DNAAF11: variants seen among roughly 807,000 people sequenced by gnomAD.
DNAAF11 encodes leucine rich repeat containing 6.
Under a neutral mutation model 60.8 loss-of-function variants are expected in DNAAF11, and 45 were observed. The ratio of observed to expected loss-of-function variants is 0.74; its 90% CI spans 0.58 to 0.95. The LOEUF (loss-of-function observed/expected upper bound fraction) is 0.95, where lower values mean the gene tolerates loss of function less well. DNAAF11 is among the 40% of genes least tolerant of loss of function. The pLI is 0.00. For missense variants in DNAAF11, 546 were observed against 546.2 expected (o/e 1.00, Z 0.00); for synonymous variants, 191 against 183.5 (o/e 1.04, Z -0.33).
intron 3 of DNAAF11, among the ~76,000 whole-genome samples, chr8:132,644,612 GA>G (rs1822183054): frequency 6.6e-6 from 1 of 152,232 alleles, no homozygotes; most frequent in South Asian, 2.1e-4. Flanking sequence ...ATGGTACCTG[GA>G]AAATTGGGAC....
At chr8:132,672,779 G>A (rs533617540) in intron 1 of DNAAF11, among the ~76,000 whole-genome samples, 1 of 152,260 alleles carries the variant, frequency 6.6e-6, no homozygotes, top group East Asian at 1.9e-4. Context: ...GTTGAAGGAG[G>A]TTGAGAATTG....
intron 2 of DNAAF11, among the ~76,000 whole-genome samples, 184 bp from the exon 3 acceptor site, chr8:132,657,091 T>C (rs1823653606): frequency 6.6e-6 from 1 of 152,134 alleles, no homozygotes; most frequent in Non-Finnish European, 1.5e-5. Context: ...GACCCATTTC[T>C]CCCTCCATCC....
chr8:132,681,392 C>T, the DNAAF11 span, among the ~76,000 whole-genome samples: 1 of 150,812 alleles, frequency 6.6e-6, no homozygotes, highest in African/African-American at 2.5e-5. Context: ...TTACTGTCTC[C>T]ATCTTACAGA....
intron 6 of DNAAF11, among the ~76,000 whole-genome samples, chr8:132,623,424 CA>C (rs879854777): frequency 3.6e-4 from 51 of 140,570 alleles, no homozygotes; most frequent in Non-Finnish European, 3.0e-4. Flanking sequence ...TTACAAAGAG[CA>C]AAAAAAAAAA....
chr8:132,622,004 AT>A (rs1819812355), intron 7 of DNAAF11, among the ~76,000 whole-genome samples: 1 of 152,204 alleles, frequency 6.6e-6, no homozygotes, highest in Non-Finnish European at 1.5e-5. Context: ...AGTGAATGAG[AT>A]TTAGTCTGTA....
intron 11 of DNAAF11, among the ~76,000 whole-genome samples, chr8:132,572,959 A>G (rs1244458275): frequency 6.6e-6 from 1 of 152,094 alleles, no homozygotes; most frequent in Non-Finnish European, 1.5e-5. Context: ...GTGCATAGTA[A>G]AGTGTAGCCC....
rs562294615 is a variant in DNAAF11, at chr8:132,578,496, C to G, written c.1226+5198G>C. ...ACGACCTGACTGTCAGAAACATCAC[C>G]TCTAGAATCCAGTAGAATAGCTGGA... On this transcript the variant is annotated intron_variant, in intron 11 of 11. Transcript: ENST00000620350. 5.2e-6 allele frequency: 8 copies of G among 1,533,902 alleles called. No individual in the cohort carries two copies. The African/African-American group carries it at 1.1e-4, about 21-fold the overall frequency.
At chr8:132,593,217 CAAGTA>C (rs1816641273) in intron 10 of DNAAF11, among the ~76,000 whole-genome samples, 1 of 150,764 alleles carries the variant, frequency 6.6e-6, no homozygotes, top group Non-Finnish European at 1.5e-5. Flanking sequence ...ATGGAGAAAT[CAAGTA>C]AAGTAAGTGT....
chr8:132,574,197 G>T (rs1814502936), intron 11 of DNAAF11, among the ~76,000 whole-genome samples: 1 of 152,214 alleles, frequency 6.6e-6, no homozygotes, highest in South Asian at 2.1e-4. Flanking sequence ...TGCATAGTCA[G>T]TCATCATAAG....
rs1345691973 is a variant in DNAAF11 at position 132,656,923 on chromosome 8, A to C, written c.179-16T>G. Reference sequence around the variant, plus strand: ...CTAACATTTTCTGAAATACAAGATAATGTAGTTAAGATAATTAATCTTCAA... The same window carrying C: ...CTAACATTTTCTGAAATACAAGATACTGTAGTTAAGATAATTAATCTTCAA... On this transcript the variant is annotated splice_polypyrimidine_tract_variant and intron_variant, in intron 2 of 11. Coordinates refer to ENST00000620350, the MANE Select transcript of DNAAF11 (RefSeq NM_012472.6). 8.0e-6 allele frequency: 8 copies of C among 995,044 alleles called. No homozygotes were observed. The highest frequency in any genetic ancestry group is 4.3e-5 in the South Asian group (3 of 69,350). The allele number at this position is 995,044 out of a possible 1,614,324, so 61.6% of individuals were successfully genotyped here. A position where few individuals can be genotyped will look rare whatever the true frequency, so the allele number is the denominator to read the frequency against.
chr8:132,690,798 C>T, the DNAAF11 span, among the ~76,000 whole-genome samples: 1 of 152,116 alleles, frequency 6.6e-6, no homozygotes, highest in Non-Finnish European at 1.5e-5. Context: ...GTAGAATGTC[C>T]TTCAGTTGGG....
intron 5 of DNAAF11, among the ~76,000 whole-genome samples, chr8:132,627,798 G>A (rs764391015): frequency 6.6e-5 from 10 of 152,090 alleles, no homozygotes; most frequent in Non-Finnish European, 1.3e-4. Flanking sequence ...GATGAATGAG[G>A]AGAAGAATGT....
the DNAAF11 span, among the ~76,000 whole-genome samples, chr8:132,684,558 TC>T: frequency 1.2e-4 from 18 of 152,214 alleles, no homozygotes; most frequent in Admixed American, 1.0e-3. Context: ...GCATGGAAAA[TC>T]CCCAACCTAA....
chr8:132,595,333 G>C (rs1432506763), intron 10 of DNAAF11, among the ~76,000 whole-genome samples: 1 of 103,472 alleles, frequency 9.7e-6, no homozygotes, highest in East Asian at 3.2e-4. Context: ...TCCCGAAAGA[G>C]AGAGAGACAG....
At chr8:132,602,306 G>T (rs140644252) in intron 10 of DNAAF11, among the ~76,000 whole-genome samples, 8 of 152,086 alleles carry the variant, frequency 5.3e-5, no homozygotes, top group Non-Finnish European at 8.8e-5. Flanking sequence ...CCACAACAGG[G>T]AGCAGCCATC....
intron 10 of DNAAF11, among the ~76,000 whole-genome samples, 163 bp downstream of exon 10, chr8:132,610,003 G>C (rs1818493338): frequency 6.6e-6 from 1 of 152,132 alleles, no homozygotes; most frequent in South Asian, 2.1e-4. Context: ...TGAGTTCTTT[G>C]TTCTCACAGA....
the DNAAF11 span, among the ~76,000 whole-genome samples, chr8:132,684,353 A>G: frequency 6.6e-6 from 1 of 152,228 alleles, no homozygotes; most frequent in South Asian, 2.1e-4. Context: ...GTTTGATCAC[A>G]TGTATGGAGC....
intron 3 of DNAAF11, among the ~76,000 whole-genome samples, chr8:132,638,676 T>G (rs983877379): frequency 6.6e-6 from 1 of 152,096 alleles, no homozygotes; most frequent in Non-Finnish European, 1.5e-5. Context: ...CTGAAGGTAT[T>G]AACAAAAGTG....
intron 1 of DNAAF11, among the ~76,000 whole-genome samples, chr8:132,669,273 C>T (rs964844405): frequency 6.6e-6 from 1 of 152,166 alleles, no homozygotes; most frequent in African/African-American, 2.4e-5. Flanking sequence ...AAAGCAGATG[C>T]TAGCTAAGAT....
Sources: allele counts gnomAD v4.1 joint callset (sites outside exome capture counted in the v4.1 genomes callset), GRCh38; gene constraint gnomAD v4.1.1; transcripts MANE v1.5; gene names NCBI Gene and HGNC (gene_info 2026-07-23, HGNC 2026-07-21).